Variants in HAT1 observed in about 807,000 individuals in gnomAD.
The protein encoded by HAT1 is histone acetyltransferase 1.
Under a neutral mutation model 56.6 loss-of-function variants are expected in HAT1, and 20 were observed. The ratio of observed to expected loss-of-function variants is 0.35; its 90% CI spans 0.25 to 0.51. The LOEUF (loss-of-function observed/expected upper bound fraction) is 0.51. Ranked by LOEUF, HAT1 falls within the 20% of genes least tolerant of loss-of-function variation. The probability of loss-of-function intolerance (pLI) is 0.95; values close to 1 mark genes in which losing one functional copy is unlikely to be tolerated. For synonymous variants in HAT1, 146 were observed against 165.5 expected, an observed-to-expected ratio of 0.88 and a Z score of 0.91; for missense variants, 408 against 504.3, an observed-to-expected ratio of 0.81 and a Z score of 1.83.
intron 2 of HAT1, among the ~76,000 whole-genome samples, chr2:171,935,962 A>G (rs902768291): frequency 1.3e-5 from 2 of 152,150 alleles, no homozygotes; most frequent in South Asian, 2.1e-4. Context: ...AGATGGTACA[A>G]TGTTTGAAAT....
rs570185083 is a variant in HAT1, at chr2:171,971,311, T to G, written c.823+4362T>G. ...GAGGTATAATTTCCAGACCATAAAA[T>G]TCACCCATTTTAAGTGGACAGTTCA... On this transcript the variant is annotated intron_variant, in intron 8 of 10. Transcript: ENST00000264108. 2.0e-5 allele frequency among the ~76,000 whole-genome samples: 3 copies of G among 152,370 alleles called. No homozygotes were observed. In the South Asian group the frequency reaches 6.2e-4, roughly 32 times the overall value.
At chr2:171,959,617 C>T (rs1225819121) in intron 4 of HAT1, among the ~76,000 whole-genome samples, 1 of 152,056 alleles carries the variant, frequency 6.6e-6, no homozygotes, top group Admixed American at 6.6e-5. Flanking sequence ...AGACTTTTTT[C>T]CCCTTATTAA....
At chr2:171,975,740 TTC>T (rs577534166) in intron 8 of HAT1, among the ~76,000 whole-genome samples, 136 of 152,270 alleles carry the variant, frequency 8.9e-4, no homozygotes, top group Middle Eastern at 3.4e-3. Flanking sequence ...AAATGTTGTT[TTC>T]TCTCTTTTTT....
intron 2 of HAT1, among the ~76,000 whole-genome samples, chr2:171,929,782 T>G (rs1285491525): frequency 6.6e-6 from 1 of 152,354 alleles, no homozygotes; most frequent in Non-Finnish European, 1.5e-5. Context: ...ATCTGGACTT[T>G]TCTCATTCAT....
intron 2 of HAT1, among the ~76,000 whole-genome samples, chr2:171,938,231 A>G (rs1001656776): frequency 1.3e-5 from 2 of 152,086 alleles, no homozygotes; most frequent in African/African-American, 2.4e-5. Context: ...CTGTCTCTAC[A>G]AAAGAAAGAA....
intron 2 of HAT1, among the ~76,000 whole-genome samples, chr2:171,935,412 G>C (rs1477982373): frequency 7.4e-5 from 11 of 147,862 alleles, no homozygotes; most frequent in African/African-American, 2.5e-4. Context: ...CTACTTGGGA[G>C]ACTGAGGCAA....
At chr2:171,976,347 C>T (rs1558980549) in intron 9 of HAT1, 39 bp downstream of exon 9, 12 of 1,320,298 alleles carry the variant, frequency 9.1e-6, no homozygotes, top group Non-Finnish European at 1.2e-5. Context: ...ATTTAAATTA[C>T]AAACAAATTT....
chr2:171,935,136 C>G (rs949745604), intron 2 of HAT1, among the ~76,000 whole-genome samples: 1 of 151,412 alleles, frequency 6.6e-6, no homozygotes, highest in African/African-American at 2.4e-5. Context: ...GGAGTAATAA[C>G]ATTGATGGAC....
intron 1 of HAT1, chr2:171,925,042 TC>T (rs1226079576): frequency 2.0e-5 from 3 of 152,020 alleles, no homozygotes; most frequent in African/African-American, 7.3e-5. Context: ...AAAAGTGATT[TC>T]TTTTTCTGTT....
In HAT1 at chr2:171,983,505, AT is replaced by A. The variant is rs996225681; in HGVS notation, c.*157del. ...ATATTTTCTTTTGGAGAGATTGTAT[AT>A]TTTAAAATACTGTTTAGAGTTTATG... On this transcript the variant is annotated 3_prime_UTR_variant, in exon 11 of 11. Coordinates refer to ENST00000264108, the MANE Select transcript of HAT1 (RefSeq NM_003642.4). 1 of 456,914 alleles carries A rather than the reference AT, an allele frequency of 2.2e-6. No homozygotes were observed. Among genetic ancestry groups the A allele is most frequent in the African/African-American group, 2.0e-5 (1 of 49,920 alleles). 28.3% of individuals were successfully genotyped at this position (456,914 alleles called of 1,614,324 possible).
intron 4 of HAT1, among the ~76,000 whole-genome samples, chr2:171,958,626 C>T (rs866510136): frequency 3.9e-5 from 6 of 152,062 alleles, no homozygotes; most frequent in Non-Finnish European, 8.8e-5. Context: ...CAGTTTACTG[C>T]TATCATTGTA....
Position 171,928,091 on chromosome 2 carries a change from G to C in HAT1, c.112+2450G>C, listed in dbSNP as rs1007787859. Among the ~76,000 whole-genome samples, 4 of 151,674 alleles carry C rather than the reference G, an allele frequency of 2.6e-5. No individual in the cohort carries two copies. In the East Asian group the frequency reaches 7.8e-4, roughly 30 times the overall value. On this transcript the variant is annotated intron_variant, in intron 2 of 10. Coordinates refer to ENST00000264108, the MANE Select transcript of HAT1 (RefSeq NM_003642.4). ...TAGTAGAGACGGTTTCATCATGTTG[G>C]CCAGACTGGTCTCGAACTCCTGACC...
chr2:171,947,942 C>G (rs1258892961), intron 3 of HAT1, among the ~76,000 whole-genome samples: 1 of 152,192 alleles, frequency 6.6e-6, no homozygotes, highest in Non-Finnish European at 1.5e-5. Context: ...ATTTCCTATA[C>G]TTTGATTACA....
At chr2:171,945,138 T>C (rs1687126033) in intron 2 of HAT1, among the ~76,000 whole-genome samples, 1 of 152,294 alleles carries the variant, frequency 6.6e-6, no homozygotes, top group South Asian at 2.1e-4. Flanking sequence ...CCCAAAGTGC[T>C]GGGATTACAG....
intron 9 of HAT1, among the ~76,000 whole-genome samples, chr2:171,977,670 C>T (rs1196142764): frequency 6.7e-6 from 1 of 149,868 alleles, no homozygotes; most frequent in East Asian, 2.0e-4. Context: ...TTGCTAGCTT[C>T]AGCCTGTTAG....
intron 2 of HAT1, among the ~76,000 whole-genome samples, chr2:171,938,024 T>TTCTCTCTCTCCCTC (rs1686913844): frequency 9.5e-6 from 1 of 104,802 alleles, no homozygotes; most frequent in Non-Finnish European, 1.8e-5. Context: ...TGTCTACTGA[T>TTCTCTCTCTCCCTC]TCTCTCTCTC....
intron 8 of HAT1, among the ~76,000 whole-genome samples, chr2:171,973,533 C>CTACG (rs1687870433): frequency 6.6e-6 from 1 of 152,062 alleles, no homozygotes; most frequent in East Asian, 1.9e-4. Flanking sequence ...AAATCCCGGG[C>CTACG]TACGGACTGG....
intron 9 of HAT1, among the ~76,000 whole-genome samples, chr2:171,978,042 CTTTT>C (rs1297966116): frequency 1.4e-5 from 2 of 147,618 alleles, no homozygotes; most frequent in African/African-American, 5.0e-5. Flanking sequence ...TACCATTTGT[CTTTT>C]TTTTTCCTTT....
At chr2:171,961,710 T>G (rs1687578498) in intron 4 of HAT1, among the ~76,000 whole-genome samples, 1 of 152,180 alleles carries the variant, frequency 6.6e-6, no homozygotes, top group Admixed American at 6.5e-5. Flanking sequence ...GTTTATCTTG[T>G]TTAGTTCAAG....
Sources: allele counts gnomAD v4.1 joint callset (sites outside exome capture counted in the v4.1 genomes callset), GRCh38; gene constraint gnomAD v4.1.1; transcripts MANE v1.5; gene names NCBI Gene and HGNC (gene_info 2026-07-23, HGNC 2026-07-21).